The following SCIN variants were observed in gnomAD, a reference collection of about 807,000 sequenced individuals.
SCIN encodes adseverin.
A neutral mutation model predicts 91.8 loss-of-function variants in SCIN; 91 were observed. The observed-to-expected ratio is 0.99, with a 90% CI of 0.84 to 1.18. The LOEUF is 1.18. Ranked by LOEUF, SCIN falls within the 50% of genes most tolerant of loss-of-function variation. The pLI is 0.00. For missense variants in SCIN, 1,087 were observed against 863.9 expected (o/e 1.26, Z -3.24); for synonymous variants, 367 against 312.6 (o/e 1.17, Z -1.84).
intron 3 of SCIN, among the ~76,000 whole-genome samples, chr7:12,592,443 T>C (rs149079176): frequency 2.9e-3 from 438 of 151,964 alleles, no homozygotes; most frequent in African/African-American, 0.01. Flanking sequence ...GTTAGAGAGA[T>C]GGGGTATTGA....
At chr7:12,600,203 A>T (rs1782930099) in intron 3 of SCIN, among the ~76,000 whole-genome samples, 1 of 152,190 alleles carries the variant, frequency 6.6e-6, no homozygotes, top group Non-Finnish European at 1.5e-5. Flanking sequence ...ATTCGCATGC[A>T]CCTTGGATAG....
At position 12,592,662 on chromosome 7, in the gene SCIN, C is replaced by T. The variant is rs756349881; in HGVS notation, c.516+11441C>T. ...TTTGACTTTGGCTAAAAGGTCTCAG[C>T]CTAGAATGGGGGTGGGGCAATGAGG... On this transcript the variant is annotated intron_variant, in intron 3 of 15. Coordinates refer to ENST00000297029, the MANE Select transcript of SCIN (RefSeq NM_001112706.3). Among the ~76,000 whole-genome samples, 5 of 151,722 alleles carry T rather than the reference C, an allele frequency of 3.3e-5. No individual in the cohort carries two copies. The South Asian group carries it at 6.3e-4, about 19-fold the overall frequency.
chr7:12,634,365 G>A (rs1433025391), intron 9 of SCIN, among the ~76,000 whole-genome samples: 2 of 151,780 alleles, frequency 1.3e-5, no homozygotes, highest in African/African-American at 4.8e-5. Flanking sequence ...TATGCCTGTA[G>A]TCCCAGCTAC....
intron 3 of SCIN, among the ~76,000 whole-genome samples, chr7:12,601,054 C>T (rs1339712076): frequency 6.6e-6 from 1 of 152,168 alleles, no homozygotes; most frequent in African/African-American, 2.4e-5. Flanking sequence ...AAGAAACACC[C>T]TTTGACCATA....
chr7:12,600,259 C>A (rs927845498), intron 3 of SCIN, among the ~76,000 whole-genome samples: 1 of 152,094 alleles, frequency 6.6e-6, no homozygotes, highest in Non-Finnish European at 1.5e-5. Flanking sequence ...GAATAGAAAA[C>A]CAAACATCAT....
chr7:12,596,380 A>G (rs553498608), intron 3 of SCIN: 2 of 455,310 alleles, frequency 4.4e-6, no homozygotes, highest in Non-Finnish European at 8.8e-6. Flanking sequence ...GGTGTGGACC[A>G]TCAGGAAATG....
intron 3 of SCIN, among the ~76,000 whole-genome samples, chr7:12,585,579 C>T (rs780792170): frequency 6.6e-6 from 1 of 152,134 alleles, no homozygotes; most frequent in Non-Finnish European, 1.5e-5. Context: ...CTCAACACAT[C>T]TAGAAAATGA....
intron 3 of SCIN, among the ~76,000 whole-genome samples, chr7:12,588,424 G>A (rs962604569): frequency 6.6e-6 from 1 of 152,148 alleles, no homozygotes; most frequent in East Asian, 1.9e-4. Flanking sequence ...ATTATAATTG[G>A]AGAATGGATG....
In SCIN at chr7:12,570,846, G is replaced by A; in HGVS notation, c.60G>A (p.Gln20=). ...FARAGKQAGL[Q]VWRIEKLELV... ...GGGCGGGCAAGCAGGCGGGGCTGCA[G>A]GTCTGGAGGATTGAGAAGCTGGAGC... is the stretch of plus-strand genomic sequence containing the variant. The change falls in exon 1 of 16, where the codon CAG becomes CAA. Residue 20 remains glutamine (Q), a synonymous_variant. Coordinates refer to ENST00000297029, the MANE Select transcript of SCIN (RefSeq NM_001112706.3). The A allele has an allele frequency of 3.9e-6, 6 of 1,551,646 alleles. No individual in the cohort carries two copies. Among genetic ancestry groups the A allele is most frequent in the Non-Finnish European group, 5.2e-6 (6 of 1,146,986 alleles).
At chr7:12,612,695 T>C (rs751334293) in intron 4 of SCIN, among the ~76,000 whole-genome samples, 19 of 152,210 alleles carry the variant, frequency 1.2e-4, no homozygotes, top group Non-Finnish European at 2.5e-4. Flanking sequence ...TTTAATTTAA[T>C]GAATTTGTTG....
Position 12,658,321 on chromosome 7 carries a change from G to C in SCIN, c.*5606G>C, listed in dbSNP as rs1784206613. 1 of 152,218 alleles carries C rather than the reference G, an allele frequency of 6.6e-6. No homozygotes were observed. Among genetic ancestry groups the C allele is most frequent in the African/African-American group, 2.4e-5 (1 of 41,458 alleles). The allele number at this position is 152,218 out of a possible 1,614,324, so 9.4% of individuals were successfully genotyped here. A position where few individuals can be genotyped will look rare whatever the true frequency, so the allele number is the denominator to read the frequency against. On this transcript the variant is annotated 3_prime_UTR_variant, in exon 16 of 16. Coordinates refer to ENST00000297029, the MANE Select transcript of SCIN (RefSeq NM_001112706.3). ...TGAGCTTTAACTGGAATAGTAGTGA[G>C]AATGATAGAGCAGGGCCCTTAACTC...
chr7:12,652,625 C>G lies in SCIN; in HGVS notation c.2058C>G (p.Asp686Glu), dbSNP rs34535978. 1,907 of 1,612,814 alleles carry G rather than the reference C, an allele frequency of 1.2e-3. 19 individuals carry two copies. In the African/African-American group the frequency reaches 0.023, roughly 19 times the overall value. Residue 686 changes from aspartate to glutamate, a missense_variant, in exon 16 of 16, where the codon GAC (aspartate) becomes GAG (glutamate). Asp to Glu is a conservative substitution (Grantham distance 45). Coordinates refer to ENST00000297029, the MANE Select transcript of SCIN (RefSeq NM_001112706.3). Reference protein sequence around the residue: ...MYLETDPSGRDKRTPIVIIKQ... With the variant: ...MYLETDPSGREKRTPIVIIKQ... ...TTGAGACAGACCCTTCTGGAAGAGA[C>G]AAGAGGACACCAATTGTCATCATAA...
intron 3 of SCIN, among the ~76,000 whole-genome samples, chr7:12,587,573 A>C (rs1401821019): frequency 6.6e-6 from 1 of 152,006 alleles, no homozygotes; most frequent in Non-Finnish European, 1.5e-5. Flanking sequence ...GTCAGCCACT[A>C]CTGCATTCTT....
Position 12,639,704 on chromosome 7 carries a change from T to C in SCIN, c.1411-643T>C, listed in dbSNP as rs571105252. On this transcript the variant is annotated intron_variant, in intron 10 of 15. Transcript: ENST00000297029. ...ATTGTATTTTTTAAAGTTTCTTATA[T>C]TGAGCATATCTACTATTACATTTCT... Among the ~76,000 whole-genome samples the C allele has an allele frequency of 2.0e-5, 3 of 152,336 alleles. No individual in the cohort carries two copies. In the East Asian group the frequency reaches 5.8e-4, roughly 29 times the overall value.
intron 13 of SCIN, among the ~76,000 whole-genome samples, chr7:12,647,713 C>A (rs553985064): frequency 7.9e-5 from 12 of 152,232 alleles, no homozygotes; most frequent in African/African-American, 2.4e-4. Context: ...ATAAACAAAT[C>A]CTTTGCCTTC....
At chr7:12,632,275 C>G (rs1053352749) in intron 9 of SCIN, among the ~76,000 whole-genome samples, 1 of 151,756 alleles carries the variant, frequency 6.6e-6, no homozygotes, top group South Asian at 2.1e-4. Context: ...GGATTAGAGG[C>G]GCACACCACA....
At chr7:12,585,310 C>A (rs1039342425) in intron 3 of SCIN, among the ~76,000 whole-genome samples, 30 of 152,146 alleles carry the variant, frequency 2.0e-4, no homozygotes, top group African/African-American at 6.0e-4. Flanking sequence ...CCTCACTCCT[C>A]CCCTGGCTTC....
chr7:12,611,342 T>C (rs1490426523), intron 4 of SCIN, among the ~76,000 whole-genome samples: 5 of 152,228 alleles, frequency 3.3e-5, no homozygotes, highest in Non-Finnish European at 5.9e-5. Flanking sequence ...GGAACATTCA[T>C]ACATTTTGGA....
chr7:12,588,319 C>T (rs1268731034), intron 3 of SCIN, among the ~76,000 whole-genome samples: 3 of 152,198 alleles, frequency 2.0e-5, no homozygotes. Flanking sequence ...CTTTGACCTT[C>T]AGGTACTGTC....
Sources: gnomAD v4.1 joint callset for allele counts (sites outside exome capture counted in the v4.1 genomes callset) on GRCh38, gnomAD v4.1.1 for gene constraint, MANE v1.5 for transcripts, NCBI Gene and HGNC (gene_info 2026-07-23, HGNC 2026-07-21) for gene names.